Variants in SGCZ observed in about 807,000 individuals in gnomAD.
The protein encoded by SGCZ is zeta-sarcoglycan.
SGCZ carries 40 observed loss-of-function variants against 41.3 expected under a neutral mutation model. The observed-to-expected ratio is 0.97, with a 90% CI of 0.75 to 1.26. The LOEUF (loss-of-function observed/expected upper bound fraction) is 1.26, where lower values mean the gene tolerates loss of function less well. Ranked by LOEUF, SGCZ falls within the 50% of genes most tolerant of loss-of-function variation. The pLI, the probability that SGCZ is intolerant of heterozygous loss-of-function variation, is 0.00. For missense variants in SGCZ, 552 were observed against 369.8 expected (o/e 1.49, Z -4.04); for synonymous variants, 206 against 137.5 (o/e 1.50, Z -3.49).
rs561538363 is a variant in SGCZ, at chr8:14,686,008, C to T, written c.40-131082G>A. Among the ~76,000 whole-genome samples the T allele has an allele frequency of 2.2e-4, 33 of 152,142 alleles. No homozygotes were observed. In the South Asian group the frequency reaches 6.6e-3, roughly 31 times the overall value. ...TGGTCTAAAAGGAAAATTAAGGAAGCCCATACTTCTACTAATGAACAGGTA... is the reference window on the plus strand; with the variant it reads ...TGGTCTAAAAGGAAAATTAAGGAAGTCCATACTTCTACTAATGAACAGGTA... On this transcript the variant is annotated intron_variant, in intron 1 of 7. Coordinates refer to ENST00000382080, the MANE Select transcript of SGCZ (RefSeq NM_139167.4).
At chr8:14,102,349 G>A (rs754860905) in intron 7 of SGCZ, 27 bp downstream of exon 7, 41 of 1,440,738 alleles carry the variant, frequency 2.8e-5, no homozygotes, top group Non-Finnish European at 3.5e-5. Flanking sequence ...GCAGTATAGG[G>A]CGAGGGTCCA....
intron 1 of SGCZ, among the ~76,000 whole-genome samples, chr8:15,003,156 G>T (rs1451853192): frequency 6.6e-6 from 1 of 152,056 alleles, no homozygotes; most frequent in Non-Finnish European, 1.5e-5. Flanking sequence ...GTTGTCTTGG[G>T]AGAAAGATTT....
intron 2 of SGCZ, among the ~76,000 whole-genome samples, chr8:14,420,482 T>C (rs992853229): frequency 1.3e-5 from 2 of 152,156 alleles, no homozygotes; most frequent in Non-Finnish European, 1.5e-5. Flanking sequence ...TATTGCATTC[T>C]ATATTTGCTG....
chr8:15,208,805 C>T (rs374273951), intron 1 of SGCZ, among the ~76,000 whole-genome samples: 13 of 151,764 alleles, frequency 8.6e-5, no homozygotes, highest in South Asian at 2.1e-4. Context: ...CATATATATA[C>T]AGGGATACAT....
At chr8:14,990,167 C>T (rs922816994) in intron 1 of SGCZ, among the ~76,000 whole-genome samples, 3 of 152,174 alleles carry the variant, frequency 2.0e-5, no homozygotes, top group South Asian at 2.1e-4. Flanking sequence ...TGGCAATTAA[C>T]GCAACATGCT....
At chr8:14,287,093 T>C (rs1175474801) in intron 3 of SGCZ, among the ~76,000 whole-genome samples, 2 of 151,816 alleles carry the variant, frequency 1.3e-5, no homozygotes, top group African/African-American at 4.8e-5. Flanking sequence ...ACATAAGTAA[T>C]TGTCACATAA....
At chr8:14,371,529 G>C (rs1803909139) in intron 2 of SGCZ, among the ~76,000 whole-genome samples, 1 of 150,370 alleles carries the variant, frequency 6.7e-6, no homozygotes. Flanking sequence ...ATAAAAAAAA[G>C]TGTTTCTATA....
In SGCZ at chr8:14,938,814, T is replaced by A. The variant is rs537027224; in HGVS notation, c.39+298771A>T. Among the ~76,000 whole-genome samples the A allele has an allele frequency of 1.5e-3, 209 of 142,398 alleles. 1 individual carries two copies. The highest frequency in any genetic ancestry group is 2.3e-3 in the Non-Finnish European group (145 of 62,938). The allele number at this position is 142,398 out of a possible 152,430, so 93.4% of individuals were successfully genotyped here. On this transcript the variant is annotated intron_variant, in intron 1 of 7. Coordinates refer to ENST00000382080, the MANE Select transcript of SGCZ (RefSeq NM_139167.4). ...GAGATAAGCTGTGGTACAATGATAATTTTTTTTTTTTACATCTTTACAAGT... is the reference window on the plus strand; with the variant it reads ...GAGATAAGCTGTGGTACAATGATAAATTTTTTTTTTTACATCTTTACAAGT...
At chr8:14,263,530 G>C (rs1048206196) in intron 3 of SGCZ, among the ~76,000 whole-genome samples, 1 of 151,942 alleles carries the variant, frequency 6.6e-6, no homozygotes. Context: ...GTCTGAATGA[G>C]AAAATGAGAT....
chr8:14,324,680 G>A (rs1372795204), intron 2 of SGCZ, among the ~76,000 whole-genome samples: 2 of 152,136 alleles, frequency 1.3e-5, no homozygotes, highest in African/African-American at 4.8e-5. Context: ...TAACCATGAT[G>A]TTCCAGTGTT....
chr8:14,604,778 A>G (rs1805696050), intron 1 of SGCZ, among the ~76,000 whole-genome samples: 1 of 152,190 alleles, frequency 6.6e-6, no homozygotes, highest in Non-Finnish European at 1.5e-5. Flanking sequence ...GACTGCTGAT[A>G]TCAAAGAAGA....
At chr8:14,315,662 A>T (rs1801690453) in intron 3 of SGCZ, among the ~76,000 whole-genome samples, 1 of 152,110 alleles carries the variant, frequency 6.6e-6, no homozygotes, top group African/African-American at 2.4e-5. Flanking sequence ...CTTGATAATA[A>T]CTTCAAGGCC....
rs530183546 is a variant in SGCZ at position 14,657,067 on chromosome 8, A to C, written c.40-102141T>G. 1.3e-3 allele frequency among the ~76,000 whole-genome samples: 201 copies of C among 152,198 alleles called. 1 individual carries two copies. Among genetic ancestry groups the C allele is most frequent in the Non-Finnish European group, 2.5e-3 (171 of 68,020 alleles). On this transcript the variant is annotated intron_variant, in intron 1 of 7. Coordinates refer to ENST00000382080, the MANE Select transcript of SGCZ (RefSeq NM_139167.4). ...ATTATTTAGGAAACTATTGTGCGTCACTCATTTATTTTCAATAACTTTTTA... is the reference window on the plus strand; with the variant it reads ...ATTATTTAGGAAACTATTGTGCGTCCCTCATTTATTTTCAATAACTTTTTA...
chr8:14,817,760 C>T (rs996738744), intron 1 of SGCZ, among the ~76,000 whole-genome samples: 13 of 152,262 alleles, frequency 8.5e-5, no homozygotes, highest in African/African-American at 2.4e-4. Flanking sequence ...TGCCCATGTG[C>T]GCTCATTGTT....
intron 2 of SGCZ, among the ~76,000 whole-genome samples, chr8:14,507,181 C>A (rs1802330337): frequency 6.9e-6 from 1 of 144,288 alleles, no homozygotes; most frequent in African/African-American, 2.7e-5. Flanking sequence ...ATCCAATCTG[C>A]AAATCAAGTC....
intron 1 of SGCZ, among the ~76,000 whole-genome samples, chr8:15,180,432 C>G (rs1038779642): frequency 3.3e-5 from 5 of 152,104 alleles, no homozygotes; most frequent in Non-Finnish European, 5.9e-5. Context: ...AGTAACATGT[C>G]CTAAAAGGAA....
rs186427334 is a variant in SGCZ, at chr8:14,400,937, G to A, written c.235-76733C>T. ...TGTGGTTGTGTTTCTGTCTTGTTTT[G>A]TTAAATATGTTTCAAACAATGAAAA... On this transcript the variant is annotated intron_variant, in intron 2 of 7. Transcript: ENST00000382080. Among the ~76,000 whole-genome samples, 5 of 152,144 alleles carry A rather than the reference G, an allele frequency of 3.3e-5. 1 individual carries two copies. Among genetic ancestry groups the A allele is most frequent in the African/African-American group, 9.6e-5 (4 of 41,518 alleles).
chr8:14,160,509 G>A (rs1021841813), intron 5 of SGCZ, among the ~76,000 whole-genome samples: 1 of 152,174 alleles, frequency 6.6e-6, no homozygotes, highest in Non-Finnish European at 1.5e-5. Context: ...GTGCATAGGT[G>A]AGCTAAAGTA....
intron 1 of SGCZ, among the ~76,000 whole-genome samples, chr8:14,812,083 T>G (rs1801754311): frequency 6.6e-6 from 1 of 152,012 alleles, no homozygotes. Context: ...ATTAATTTCT[T>G]AAATTCAACT....
Sources: allele counts gnomAD v4.1 joint callset (sites outside exome capture counted in the v4.1 genomes callset), GRCh38; gene constraint gnomAD v4.1.1; transcripts MANE v1.5; gene names NCBI Gene and HGNC (gene_info 2026-07-23, HGNC 2026-07-21).